The following PIWIL1 variants were observed in gnomAD, a reference collection of about 807,000 sequenced individuals.
PIWIL1 encodes piwi-like protein 1.
A neutral mutation model predicts 114.4 loss-of-function variants in PIWIL1; 73 were observed. The observed-to-expected ratio is 0.64, with a 90% CI of 0.53 to 0.78. The LOEUF is 0.78. Among genes scored for constraint, PIWIL1 ranks in the 30% least tolerant of loss-of-function variants. PIWIL1 has a pLI of 0.00. For synonymous variants in PIWIL1, 375 were observed against 369.0 expected (o/e 1.02, Z -0.19); for missense variants, 723 against 1,063.1 (o/e 0.68, Z 4.45).
At chr12:130,405,289 G>A in the PIWIL1 span, among the ~76,000 whole-genome samples, 1 of 152,180 alleles carries the variant, frequency 6.6e-6, no homozygotes, top group Admixed American at 6.5e-5. Flanking sequence ...CCTCACCAAA[G>A]GCAAATCAGA....
chr12:130,415,628 C>A, the PIWIL1 span, among the ~76,000 whole-genome samples: 161 of 77,668 alleles, frequency 2.1e-3, no homozygotes, highest in South Asian at 0.014. Flanking sequence ...ACTGATGATA[C>A]GGCATCCATA....
intron 19 of PIWIL1, among the ~76,000 whole-genome samples, chr12:130,370,716 A>G (rs2073794798): frequency 6.6e-6 from 1 of 152,220 alleles, no homozygotes; most frequent in South Asian, 2.1e-4. Context: ...TTAAATAACA[A>G]TGGGAACAGC....
chr12:130,384,914 A>G, the PIWIL1 span, among the ~76,000 whole-genome samples: 4 of 152,088 alleles, frequency 2.6e-5, no homozygotes, highest in African/African-American at 9.7e-5. Flanking sequence ...TTTTATTATC[A>G]GTTTCATTTT....
downstream of PIWIL1, among the ~76,000 whole-genome samples, chr12:130,376,398 T>C (rs1182421936): frequency 6.6e-6 from 1 of 152,076 alleles, no homozygotes; most frequent in Non-Finnish European, 1.5e-5. Context: ...CGCGTTAGAG[T>C]GCAAAGGAAA....
At chr12:130,423,029 G>A in the PIWIL1 span, among the ~76,000 whole-genome samples, 1 of 152,110 alleles carries the variant, frequency 6.6e-6, no homozygotes, top group African/African-American at 2.4e-5. Flanking sequence ...ACTGAAAGAC[G>A]GAAGTTTCTA....
the PIWIL1 span, among the ~76,000 whole-genome samples, chr12:130,423,922 G>T: frequency 1.3e-5 from 2 of 152,054 alleles, no homozygotes; most frequent in African/African-American, 4.8e-5. Flanking sequence ...CTGATTCTGG[G>T]GGGTGGAAAT....
At chr12:130,340,273 C>T (rs2072869897) in intron 1 of PIWIL1, among the ~76,000 whole-genome samples, 1 of 152,088 alleles carries the variant, frequency 6.6e-6, no homozygotes, top group Non-Finnish European at 1.5e-5. Context: ...GTTGTGTTTG[C>T]TGGAGTCTCA....
intron 6 of PIWIL1, 23 bp downstream of exon 6, chr12:130,347,085 T>G (rs1262554687): frequency 6.5e-6 from 10 of 1,547,704 alleles, no homozygotes; most frequent in Non-Finnish European, 8.9e-6. Flanking sequence ...TTTCAACATT[T>G]TATTAAGAAA....
At chr12:130,424,038 A>T in the PIWIL1 span, 13 of 568,268 alleles carry the variant, frequency 2.3e-5, no homozygotes, top group Non-Finnish European at 2.9e-5. This position sits in a 1 kb window ranked among gnomAD's most constrained non-coding sequence, Gnocchi z 9.8. Context: ...ACAGCCAGCA[A>T]GAGAGTCCCC....
intron 3 of PIWIL1, 81 bp from the exon 4 acceptor site, chr12:130,345,672 A>T: frequency 6.9e-7 from 1 of 1,447,902 alleles, no homozygotes; most frequent in Non-Finnish European, 9.6e-7. Context: ...TTTGGATTAC[A>T]CATAATAGCA....
At chr12:130,342,390 T>C (rs182944082) in intron 1 of PIWIL1, 190 bp from the exon 2 acceptor site, 772 of 600,402 alleles carry the variant, frequency 1.3e-3, no homozygotes, top group Non-Finnish European at 1.7e-3. Flanking sequence ...CAGTGCAAGG[T>C]AAGCAACTGA....
chr12:130,413,378 C>T, the PIWIL1 span, among the ~76,000 whole-genome samples: 1 of 152,092 alleles, frequency 6.6e-6, no homozygotes, highest in Non-Finnish European at 1.5e-5. Flanking sequence ...GCCTGTAATC[C>T]CAGCACTTTG....
rs1106041 is a variant in PIWIL1 at position 130,357,016 on chromosome 12, G to A, written c.1503G>A (p.Thr501=). ...TAGATAACTGGCTGTTGATCTATAC[G>A]CGAAGAAATTATGAAGCAGCCAATT... ...KPLDNWLLIY[T]RRNYEAANSL... is the part of the protein sequence containing the mutation. Residue 501 remains threonine (T), a synonymous_variant, in exon 13 of 21, where the codon ACG becomes ACA. Coordinates refer to ENST00000245255, the MANE Select transcript of PIWIL1 (RefSeq NM_004764.5). 4,383 of 1,613,604 alleles carry A rather than the reference G, an allele frequency of 2.7e-3. 97 individuals carry two copies. The African/African-American group carries it at 0.048, about 18-fold the overall frequency.
chr12:130,409,555 A>C, the PIWIL1 span, among the ~76,000 whole-genome samples: 1 of 152,076 alleles, frequency 6.6e-6, no homozygotes, highest in South Asian at 2.1e-4. Context: ...CGTGTTAGCC[A>C]GGATGTTTCA....
intron 9 of PIWIL1, among the ~76,000 whole-genome samples, chr12:130,352,333 T>G (rs936986243): frequency 3.3e-5 from 5 of 152,230 alleles, no homozygotes; most frequent in African/African-American, 1.2e-4. Context: ...AACAGTAATG[T>G]CTAATAAAAA....
chr12:130,408,939 C>T, the PIWIL1 span, among the ~76,000 whole-genome samples: 21 of 152,190 alleles, frequency 1.4e-4, no homozygotes, highest in Non-Finnish European at 2.9e-4. Flanking sequence ...TGGTTAGGAG[C>T]CACTGCTGTA....
intron 9 of PIWIL1, chr12:130,351,776 T>C (rs958344022): frequency 6.6e-6 from 1 of 152,230 alleles, no homozygotes; most frequent in Admixed American, 6.5e-5. Flanking sequence ...CTTTTCTAAA[T>C]GGCATCTCCT....
intron 1 of PIWIL1, among the ~76,000 whole-genome samples, chr12:130,340,927 T>C (rs1444703250): frequency 1.3e-5 from 2 of 152,188 alleles, no homozygotes; most frequent in Non-Finnish European, 2.9e-5. Flanking sequence ...AGGGGTCTTA[T>C]ACAATGAATA....
the PIWIL1 span, chr12:130,399,309 C>A: frequency 8.8e-6 from 4 of 453,048 alleles, no homozygotes; most frequent in Admixed American, 4.2e-5. Flanking sequence ...CCCTTGGATC[C>A]TTGTGAAGAG....
Sources: allele counts gnomAD v4.1 joint callset (sites outside exome capture counted in the v4.1 genomes callset), GRCh38; gene constraint gnomAD v4.1.1; non-coding constraint Gnocchi (gnomAD v3.1); transcripts MANE v1.5; gene names NCBI Gene and HGNC (gene_info 2026-07-23, HGNC 2026-07-21).